DST: variants seen among roughly 807,000 people sequenced by gnomAD.
DST encodes the protein dystonin, also known as bullous pemphigoid antigen.
Under a neutral mutation model 875.2 loss-of-function variants are expected in DST, and 253 were observed. That is an observed-to-expected ratio of 0.29 (90% CI 0.26 to 0.32). The LOEUF (loss-of-function observed/expected upper bound fraction) is 0.32. Among genes scored for constraint, DST ranks in the 10% least tolerant of loss-of-function variants. The probability of loss-of-function intolerance (pLI) is 1.00; values close to 1 mark genes in which losing one functional copy is unlikely to be tolerated. For missense variants in DST, 8,287 were observed against 9,111.6 expected, an observed-to-expected ratio of 0.91 and a Z score of 3.68; for synonymous variants, 3,124 against 3,197.1, an observed-to-expected ratio of 0.98 and a Z score of 0.77.
intron 4 of DST, among the ~76,000 whole-genome samples, chr6:56,784,611 T>C (rs1438282647): frequency 6.6e-6 from 1 of 152,200 alleles, no homozygotes; most frequent in Non-Finnish European, 1.5e-5. Flanking sequence ...TTGGTTATTG[T>C]AGTTATATAT....
Position 56,703,659 on chromosome 6 carries a change from C to T in DST, c.865G>A (p.Glu289Lys). ...EYEQHEDVED[E>K]DKGPREKGRM... ...GGGGCGACACCTACCCCCTTATCCT[C>T]ATCCTCCACATCCTCATGCTGTTCA... The change falls in exon 7 of 104, where the codon GAG becomes AAG. Residue 289 changes from glutamate (E) to lysine (K), a missense_variant. Physicochemically the swap from Glu to Lys is moderately conservative, Grantham distance 56 (BLOSUM62 1). Around this residue, in one of 10 missense-constraint regions of DST, gnomAD observed 1,160 missense variants for 1,424.3 expected, o/e 0.81. Coordinates refer to ENST00000680361, the MANE Select transcript of DST (RefSeq NM_001374736.1). The T allele has an allele frequency of 1.0e-6, 1 of 984,770 alleles. No individual in the cohort carries two copies. The highest frequency in any genetic ancestry group is 1.2e-6 in the Non-Finnish European group (1 of 829,398). The allele number at this position is 984,770 out of a possible 1,614,324, so 61.0% of individuals were successfully genotyped here.
chr6:56,739,706 G>T (rs1450712918), intron 4 of DST, among the ~76,000 whole-genome samples: 1 of 152,100 alleles, frequency 6.6e-6, no homozygotes, highest in Non-Finnish European at 1.5e-5. Context: ...AACCAAAATG[G>T]CAACGAGAGT....
At chr6:56,593,517 A>AAAAAAAAAAG in intron 48 of DST, 146 bp downstream of exon 48, 1 of 191,288 alleles carries the variant, frequency 5.2e-6, no homozygotes, top group East Asian at 1.0e-4. Context: ...ACTCCTTCTC[A>AAAAAAAAAAG]AAAAAAAAAA....
chr6:56,468,136 A>G (rs1323878603), intron 98 of DST, among the ~76,000 whole-genome samples: 4 of 150,890 alleles, frequency 2.7e-5, no homozygotes, highest in Non-Finnish European at 4.4e-5. Flanking sequence ...CAGATACTAT[A>G]GATAGCATGG....
At chr6:56,715,276 T>C (rs1034517927) in intron 5 of DST, among the ~76,000 whole-genome samples, 1 of 152,212 alleles carries the variant, frequency 6.6e-6, no homozygotes, top group Non-Finnish European at 1.5e-5. Context: ...AGTTAGTGCC[T>C]GGCATCATGT....
intron 4 of DST, among the ~76,000 whole-genome samples, chr6:56,831,163 G>C (rs1374754846): frequency 6.6e-6 from 1 of 152,166 alleles, no homozygotes; most frequent in African/African-American, 2.4e-5. Context: ...CATATTAAGA[G>C]TGTCACATCC....
intron 4 of DST, among the ~76,000 whole-genome samples, chr6:56,842,111 TAGAA>T (rs1171622754): frequency 6.6e-6 from 1 of 152,160 alleles, no homozygotes; most frequent in East Asian, 1.9e-4. Context: ...TTTCTACTAA[TAGAA>T]AAACTACATG....
In DST at chr6:56,555,568, G is replaced by T; in HGVS notation, c.14913C>A (p.Ser4971Arg). Reference sequence around the variant, plus strand: ...GGTGCGTGCTCACAGCCAGACTGCTGCTGAGTTTATTATCCAAGTCACTCA... The same window carrying T: ...GGTGCGTGCTCACAGCCAGACTGCTTCTGAGTTTATTATCCAAGTCACTCA... ...DKLSDLDNKL[S>R]SSLAVSTHPD... The change falls in exon 60 of 104, where the codon AGC becomes AGA. Residue 4971 changes from serine to arginine, a missense_variant. By Grantham distance (110) the Ser-to-Arg change is moderately radical. This residue lies in a region of DST where 1,513 missense variants were observed against 1,677.8 expected (regional missense o/e 0.90). Coordinates refer to ENST00000680361, the MANE Select transcript of DST (RefSeq NM_001374736.1). 1.2e-6 allele frequency: 2 copies of T among 1,613,984 alleles called. No individual in the cohort carries two copies. The highest frequency in any genetic ancestry group is 1.7e-6 in the Non-Finnish European group (2 of 1,179,892).
chr6:56,756,148 A>ACAGGGGGCTCTTGACCCAC (rs1224655620), intron 4 of DST, among the ~76,000 whole-genome samples: 1 of 152,192 alleles, frequency 6.6e-6, no homozygotes, highest in Non-Finnish European at 1.5e-5. Context: ...TGTGGAAGGC[A>ACAGGGGGCTCTTGACCCAC]CAGGGGGCTC....
intron 36 of DST, chr6:56,617,835 C>A: frequency 1.5e-6 from 1 of 680,450 alleles, no homozygotes; most frequent in Admixed American, 2.7e-5. Flanking sequence ...AAGTAAGTTA[C>A]CAGAAAGAGT....
intron 2 of DST, among the ~76,000 whole-genome samples, chr6:56,902,478 G>A (rs1794570542): frequency 6.6e-6 from 1 of 152,212 alleles, no homozygotes; most frequent in Non-Finnish European, 1.5e-5. Context: ...TGGAGAGCCT[G>A]TACACCAGGC....
rs1398787224 is a variant in DST at position 56,718,656 on chromosome 6, C to T, written c.688-14287G>A. On this transcript the variant is annotated intron_variant, in intron 5 of 103. Transcript: ENST00000680361. The stretch of plus-strand genomic sequence containing the variant: ...AAGAGTCAAAAAGTGGCAAAAAACC[C>T]AGATGTCCATCAACTCTTAGGTGGA... 4.6e-5 allele frequency among the ~76,000 whole-genome samples: 7 copies of T among 152,102 alleles called. No homozygotes were observed. The South Asian group carries it at 6.2e-4, about 14-fold the overall frequency.
intron 56 of DST, among the ~76,000 whole-genome samples, chr6:56,561,923 AAACTG>A (rs1399102406): frequency 1.4e-5 from 2 of 146,488 alleles, no homozygotes; most frequent in Non-Finnish European, 3.1e-5. Flanking sequence ...ACCAAGTGTC[AAACTG>A]AACAACTTGA....
Position 56,634,581 on chromosome 6 carries a change from C to A in DST, c.3375G>T (p.Ala1125=). 1.2e-6 allele frequency: 2 copies of A among 1,614,098 alleles called. No homozygotes were observed. The highest frequency in any genetic ancestry group is 1.7e-6 in the Non-Finnish European group (2 of 1,180,014). Residue 1125 remains alanine (A), a synonymous_variant, in exon 26 of 104, where the codon GCG becomes GCT. Transcript: ENST00000680361. ...TCCATTTAGCACGATGAGAGTTATTCGCCAAAACACATTCATCGTCTTTGT... is the reference window on the plus strand; with the variant it reads ...TCCATTTAGCACGATGAGAGTTATTAGCCAAAACACATTCATCGTCTTTGT... ...TIYKDDECVL[A]NNSHRAKWKV...
rs1250957812 is a variant in DST at position 56,704,346 on chromosome 6, G to C, written c.711C>G (p.Leu237=). 2 of 1,571,834 alleles carry C rather than the reference G, an allele frequency of 1.3e-6. No individual in the cohort carries two copies. Among genetic ancestry groups the C allele is most frequent in the South Asian group, 2.4e-5 (2 of 84,510 alleles). Residue 237 remains leucine, a synonymous_variant, in exon 6 of 104, where the codon CTC becomes CTG. Transcript: ENST00000680361. ...LMKVRKHVND[L]YEDLRDGHNL... is the part of the protein sequence containing the mutation. ...TGTGTCCATCCCTTAAGTCTTCATAGAGATCATTCACATGTTTTCGAACCT... is the reference window on the plus strand; with the variant it reads ...TGTGTCCATCCCTTAAGTCTTCATACAGATCATTCACATGTTTTCGAACCT...
At position 56,607,158 on chromosome 6, in the gene DST, A is replaced by G; in HGVS notation, c.7470T>C (p.Phe2490=). ...QRIGEKFQDQ[F]LGIAAINISL... is the part of the protein sequence containing the mutation. ...TGATGTTAATAGCTGCAATTCCCAG[A>G]AACTGGTCTTGAAATTTTTCTCCTA... is the stretch of plus-strand genomic sequence containing the variant. Residue 2490 remains phenylalanine, a synonymous_variant, in exon 40 of 104, where the codon TTT becomes TTC. Coordinates refer to ENST00000680361, the MANE Select transcript of DST (RefSeq NM_001374736.1). 1.2e-6 allele frequency: 2 copies of G among 1,613,396 alleles called. No homozygotes were observed. The highest frequency in any genetic ancestry group is 1.7e-6 in the Non-Finnish European group (2 of 1,179,612).
At chr6:56,598,870 TTAATA>T (rs764722863) in intron 45 of DST, among the ~76,000 whole-genome samples, 161 bp from the exon 46 acceptor site, 4 of 152,186 alleles carry the variant, frequency 2.6e-5, no homozygotes, top group Non-Finnish European at 5.9e-5. Context: ...ATCACAATAC[TTAATA>T]TAATTTGAAA....
At chr6:56,758,633 G>C (rs1324267619) in intron 4 of DST, among the ~76,000 whole-genome samples, 3 of 152,158 alleles carry the variant, frequency 2.0e-5, no homozygotes, top group African/African-American at 7.2e-5. Context: ...GAATCATCTG[G>C]AGGCATCCTC....
chr6:56,821,579 ATTC>A (rs1716218557), intron 4 of DST, among the ~76,000 whole-genome samples: 1 of 152,218 alleles, frequency 6.6e-6, no homozygotes, highest in African/African-American at 2.4e-5. Context: ...TCTGAACCTA[ATTC>A]TTCTCAGAAA....
Sources: allele counts gnomAD v4.1 joint callset (sites outside exome capture counted in the v4.1 genomes callset), GRCh38; gene constraint gnomAD v4.1.1; regional missense constraint gnomAD v4.1.1; transcripts MANE v1.5; gene names NCBI Gene and HGNC (gene_info 2026-07-23, HGNC 2026-07-21).